The following TAF13 variants were observed in gnomAD, a reference collection of about 807,000 sequenced individuals.
TAF13 encodes the protein TATA-box binding protein associated factor 13.
In TAF13, 9 loss-of-function variants were observed where a neutral mutation model predicts 18.7. The observed-to-expected ratio is 0.48, with a 90% CI of 0.29 to 0.84. The LOEUF is 0.84. Among genes scored for constraint, TAF13 ranks in the 40% least tolerant of loss-of-function variants. The pLI is 0.08. For missense variants in TAF13, 105 were observed against 146.5 expected, an observed-to-expected ratio of 0.72 and a Z score of 1.46; for synonymous variants, 49 against 44.1, an observed-to-expected ratio of 1.11 and a Z score of -0.44.
rs1557983407 is a variant in TAF13, at chr1:109,064,178, A to AAAAAAAC, written c.*344_*345insGTTTTTT. On this transcript the variant is annotated 3_prime_UTR_variant, in exon 4 of 4. Coordinates refer to ENST00000338366, the MANE Select transcript of TAF13 (RefSeq NM_005645.4). The stretch of plus-strand genomic sequence containing the variant: ...TCTCAAAAAAAAAAAAAAAAAAAAA[A>AAAAAAAC]AAAGCTACAGTATAGCTTACAAGGG... The AAAAAAAC allele has an allele frequency of 6.5e-6, 1 of 153,376 alleles. No homozygotes were observed. Among genetic ancestry groups the AAAAAAAC allele is most frequent in the Admixed American group, 6.6e-5 (1 of 15,102 alleles). 9.5% of individuals were successfully genotyped at this position (153,376 alleles called of 1,614,324 possible). A position where few individuals can be genotyped will look rare whatever the true frequency, so the allele number is the denominator to read the frequency against.
chr1:109,072,418 T>G (rs558739952), intron 2 of TAF13, among the ~76,000 whole-genome samples: 41 of 151,934 alleles, frequency 2.7e-4, no homozygotes, highest in African/African-American at 9.7e-4. Context: ...ATCAATACAT[T>G]ATAATCTCCA....
chr1:109,071,439 T>G (rs1379993020), intron 2 of TAF13, among the ~76,000 whole-genome samples: 2 of 141,436 alleles, frequency 1.4e-5, no homozygotes, highest in Non-Finnish European at 3.1e-5. Flanking sequence ...AGGCTCCATC[T>G]CAGGAAAAAA....
chr1:109,073,646 C>A (rs1254792730), intron 2 of TAF13, among the ~76,000 whole-genome samples: 1 of 152,328 alleles, frequency 6.6e-6, no homozygotes, highest in South Asian at 2.1e-4. Context: ...GGATTCCAGA[C>A]GGAGTCTCGC....
chr1:109,066,224 T>C lies in TAF13; in HGVS notation c.115A>G (p.Met39Val), dbSNP rs376737227. 8.1e-6 allele frequency: 13 copies of C among 1,600,596 alleles called. 1 individual carries two copies. The African/African-American group carries it at 1.5e-4, about 18-fold the overall frequency. Residue 39 changes from methionine to valine, a missense_variant, in exon 3 of 4, where the codon ATG becomes GTG. Met to Val is a conservative substitution (Grantham distance 21). Coordinates refer to ENST00000338366, the MANE Select transcript of TAF13 (RefSeq NM_005645.4). The stretch of plus-strand genomic sequence containing the variant: ...TGGTCATCCCCAAAGCCATACATCA[T>C]ACATCGCACTGTAAAAGAACAATCA... ...KRLFSKELRCMMYGFGDDQNP... is the reference protein window; with the variant it reads ...KRLFSKELRCVMYGFGDDQNP...
In TAF13 at chr1:109,064,495, T is replaced by C. The variant is rs1213526359; in HGVS notation, c.*28A>G. On this transcript the variant is annotated 3_prime_UTR_variant, in exon 4 of 4. Transcript: ENST00000338366. ...AATTATTATATATGGTTTCCCCAGA[T>C]GGTAATTTTCGGAAACTACAAAAAG... 1 of 1,402,734 alleles carries C rather than the reference T, an allele frequency of 7.1e-7. No individual in the cohort carries two copies. The highest frequency in any genetic ancestry group is 9.4e-7 in the Non-Finnish European group (1 of 1,068,460). The allele number at this position is 1,402,734 out of a possible 1,614,324, so 86.9% of individuals were successfully genotyped here.
chr1:109,064,282 G>C lies in TAF13; in HGVS notation c.*241C>G, dbSNP rs1392621489. The C allele has an allele frequency of 3.6e-6, 1 of 276,142 alleles. No homozygotes were observed. The highest frequency in any genetic ancestry group is 6.7e-6 in the Non-Finnish European group (1 of 149,988). The allele number at this position is 276,142 out of a possible 1,614,324, so 17.1% of individuals were successfully genotyped here. ...TCAGAACAACGGCATGGTTTGCAAG[G>C]TACTTTGACTTATGTGTGGTCATTA... On this transcript the variant is annotated 3_prime_UTR_variant, in exon 4 of 4. Transcript: ENST00000338366.
intron 2 of TAF13, among the ~76,000 whole-genome samples, chr1:109,070,328 C>T (rs559651550): frequency 2.6e-5 from 4 of 152,294 alleles, no homozygotes; most frequent in Non-Finnish European, 5.9e-5. Flanking sequence ...AAGCGATTCT[C>T]CTGCCTCTGC....
intron 2 of TAF13, among the ~76,000 whole-genome samples, chr1:109,069,678 A>G (rs903291693): frequency 1.3e-5 from 2 of 152,132 alleles, no homozygotes; most frequent in Non-Finnish European, 1.5e-5. Flanking sequence ...CTAAAGGAAG[A>G]AATGAGTAAA....
In TAF13 at chr1:109,071,981, CATATATAT is replaced by C. The variant is rs1158249040; in HGVS notation, c.106+2998_106+3005del. ...AAATATATATATATATATATACACA[CATATATAT>C]ATATATATATATATATATATATATA... On this transcript the variant is annotated intron_variant, in intron 2 of 3. Coordinates refer to ENST00000338366, the MANE Select transcript of TAF13 (RefSeq NM_005645.4). 6.4e-3 allele frequency among the ~76,000 whole-genome samples: 66 copies of C among 10,280 alleles called. 4 individuals are homozygous for C. The highest frequency in any genetic ancestry group is 0.021 in the African/African-American group (60 of 2,906). 6.7% of individuals were successfully genotyped at this position (10,280 alleles called of 152,430 possible).
intron 1 of TAF13, among the ~76,000 whole-genome samples, chr1:109,075,387 CA>C (rs1664162632): frequency 6.6e-6 from 1 of 152,176 alleles, no homozygotes; most frequent in African/African-American, 2.4e-5. Context: ...GATACTGAAT[CA>C]AAGTCTACCT....
intron 2 of TAF13, among the ~76,000 whole-genome samples, chr1:109,069,898 T>C (rs1457221429): frequency 6.6e-6 from 1 of 152,200 alleles, no homozygotes; most frequent in African/African-American, 2.4e-5. Context: ...CGTTCTGTTT[T>C]GGATTCTGTA....
In TAF13 at chr1:109,075,786, C is replaced by A; in HGVS notation, c.27+135G>T. On this transcript the variant is annotated intron_variant, in intron 1 of 3. Transcript: ENST00000338366. ...TTCCCCACTTTCTAAAATGATCAAT[C>A]CTTAGGGCGTGAAGTCCCCGAACTC... 9 of 1,137,348 alleles carry A rather than the reference C, an allele frequency of 7.9e-6. No homozygotes were observed. In the South Asian group the frequency reaches 9.3e-5, roughly 12 times the overall value. The allele number at this position is 1,137,348 out of a possible 1,614,324, so 70.5% of individuals were successfully genotyped here.
At chr1:109,074,565 A>C (rs953225218) in intron 2 of TAF13, among the ~76,000 whole-genome samples, 4 of 152,162 alleles carry the variant, frequency 2.6e-5, no homozygotes, top group African/African-American at 9.7e-5. Flanking sequence ...ACACCCAAGA[A>C]TGATCAATAA....
intron 2 of TAF13, among the ~76,000 whole-genome samples, chr1:109,072,743 C>T (rs115948851): frequency 6.7e-6 from 1 of 150,080 alleles, no homozygotes; most frequent in Admixed American, 6.7e-5. Flanking sequence ...CTGCATCTAG[C>T]CTCCATGTCA....
chr1:109,068,729 C>T (rs914868378), intron 2 of TAF13, among the ~76,000 whole-genome samples: 5 of 151,820 alleles, frequency 3.3e-5, no homozygotes, highest in South Asian at 2.1e-4. Flanking sequence ...AAGGCCAGCG[C>T]GGTGGTTCAC....
intron 2 of TAF13, among the ~76,000 whole-genome samples, chr1:109,071,379 T>C (rs1451414077): frequency 1.3e-5 from 2 of 150,562 alleles, no homozygotes; most frequent in Non-Finnish European, 2.9e-5. Flanking sequence ...AGGTGGAGGT[T>C]GCAGTGAGCC....
In TAF13 at chr1:109,064,634, G is replaced by A. The variant is rs1663920437; in HGVS notation, c.264C>T (p.Phe88=). The change falls in exon 4 of 4, where the codon TTC becomes TTT. Residue 88 remains phenylalanine, a synonymous_variant. Transcript: ENST00000338366. ...ACTTCCTTGGGTCCTTTCGAATCAA[G>A]AAGACGATATCTTCAACTTGTACTC... ...QGRVQVEDIV[F]LIRKDPRKFA... is the part of the protein sequence containing the mutation. The A allele has an allele frequency of 6.3e-7, 1 of 1,575,324 alleles. No homozygotes were observed. The highest frequency in any genetic ancestry group is 1.2e-5 in the South Asian group (1 of 84,306).
At position 109,064,339 on chromosome 1, in the gene TAF13, T is replaced by C. The variant is rs968527466; in HGVS notation, c.*184A>G. On this transcript the variant is annotated 3_prime_UTR_variant, in exon 4 of 4. Coordinates refer to ENST00000338366, the MANE Select transcript of TAF13 (RefSeq NM_005645.4). ...AGTAAGTAATTCAAGTATGGTAATA[T>C]AAAGGCAGGCAATTACATGCACCAA... is the stretch of plus-strand genomic sequence containing the variant. 1.1e-5 allele frequency: 5 copies of C among 436,036 alleles called. No homozygotes were observed. Among genetic ancestry groups the C allele is most frequent in the African/African-American group, 8.2e-5 (4 of 48,988 alleles). The allele number at this position is 436,036 out of a possible 1,614,324, so 27.0% of individuals were successfully genotyped here. A position where few individuals can be genotyped will look rare whatever the true frequency, so the allele number is the denominator to read the frequency against.
rs139186811 is a variant in TAF13 at position 109,066,356 on chromosome 1, G to A, written c.107-124C>T. On this transcript the variant is annotated intron_variant, in intron 2 of 3. Coordinates refer to ENST00000338366, the MANE Select transcript of TAF13 (RefSeq NM_005645.4). Reference sequence around the variant, plus strand: ...ATTGGTATGAAAACATATTTACATCGTATTTGTTATCTCCAAGTATGGATT... The same window carrying A: ...ATTGGTATGAAAACATATTTACATCATATTTGTTATCTCCAAGTATGGATT... 8.1e-4 allele frequency: 589 copies of A among 723,330 alleles called. 4 individuals are homozygous for A. In the African/African-American group the frequency reaches 9.0e-3, roughly 11 times the overall value. The allele number at this position is 723,330 out of a possible 1,614,324, so 44.8% of individuals were successfully genotyped here.
Sources: allele counts gnomAD v4.1 joint callset (sites outside exome capture counted in the v4.1 genomes callset), GRCh38; gene constraint gnomAD v4.1.1; transcripts MANE v1.5; gene names NCBI Gene and HGNC (gene_info 2026-07-23, HGNC 2026-07-21).